The following TFEC variants were observed in gnomAD, a reference collection of about 807,000 sequenced individuals.
The protein encoded by TFEC is class E basic helix-loop-helix protein 34.
In TFEC, 31 loss-of-function variants were observed where a neutral mutation model predicts 41.6. The ratio of observed to expected loss-of-function variants is 0.74; its 90% CI spans 0.56 to 1.01. The LOEUF (loss-of-function observed/expected upper bound fraction) is 1.01. Among genes scored for constraint, TFEC ranks in the 50% least tolerant of loss-of-function variants. The pLI is 0.00. For missense variants in TFEC, 402 were observed against 404.1 expected, an observed-to-expected ratio of 0.99 and a Z score of 0.04; for synonymous variants, 143 against 140.6, an observed-to-expected ratio of 1.02 and a Z score of -0.12.
At chr7:116,026,523 A>G (rs1446519752) in intron 1 of TFEC, among the ~76,000 whole-genome samples, 2 of 152,134 alleles carry the variant, frequency 1.3e-5, no homozygotes, top group Non-Finnish European at 2.9e-5. Flanking sequence ...CATCTTAACT[A>G]ACCTTACATA....
chr7:116,037,558 T>C (rs1795939573), intron 3 of TFEC, among the ~76,000 whole-genome samples: 1 of 151,966 alleles, frequency 6.6e-6, no homozygotes, highest in Admixed American at 6.6e-5. Flanking sequence ...TATTACCAGT[T>C]TGAGAAATGC....
chr7:115,992,731 A>G (rs920817288), intron 1 of TFEC, among the ~76,000 whole-genome samples: 1 of 152,156 alleles, frequency 6.6e-6, no homozygotes, highest in African/African-American at 2.4e-5. Context: ...CAACCAAAAA[A>G]AGTCCAGGAC....
At chr7:116,044,940 G>A (rs1796128373) in intron 3 of TFEC, among the ~76,000 whole-genome samples, 1 of 152,222 alleles carries the variant, frequency 6.6e-6, no homozygotes, top group Non-Finnish European at 1.5e-5. Flanking sequence ...AAGGAATGAT[G>A]TGGGGAAACC....
intron 1 of TFEC, among the ~76,000 whole-genome samples, chr7:115,991,788 G>T (rs1345286947): frequency 6.6e-6 from 1 of 152,124 alleles, no homozygotes; most frequent in Non-Finnish European, 1.5e-5. Context: ...GTCAACATTA[G>T]ACAGATCAAC....
intron 3 of TFEC, among the ~76,000 whole-genome samples, chr7:115,971,145 T>G (rs1285228989): frequency 6.6e-6 from 1 of 152,028 alleles, no homozygotes; most frequent in East Asian, 1.9e-4. Flanking sequence ...GGGCAATTTG[T>G]TGTGGAGGGC....
intron 3 of TFEC, among the ~76,000 whole-genome samples, chr7:116,041,689 T>G (rs1562948066): frequency 6.6e-6 from 1 of 152,202 alleles, no homozygotes. Flanking sequence ...TCTACTTCAT[T>G]GTCTGATTTC....
intron 3 of TFEC, among the ~76,000 whole-genome samples, chr7:116,043,709 C>G (rs1304932027): frequency 6.6e-6 from 1 of 152,108 alleles, no homozygotes; most frequent in African/African-American, 2.4e-5. Context: ...GAAAATACAT[C>G]TGAGTATTGA....
intron 1 of TFEC, among the ~76,000 whole-genome samples, chr7:116,143,845 A>G (rs1412231904): frequency 4.6e-5 from 7 of 152,184 alleles, no homozygotes; most frequent in Non-Finnish European, 7.4e-5. Flanking sequence ...GAGACTAGAG[A>G]TGAAGGGCTC....
intron 1 of TFEC, among the ~76,000 whole-genome samples, chr7:116,010,890 A>C (rs1794976965): frequency 6.6e-6 from 1 of 152,158 alleles, no homozygotes; most frequent in African/African-American, 2.4e-5. Context: ...TTATGCATTC[A>C]ACCCTTTGAT....
chr7:116,097,025 G>A (rs1797478779), intron 3 of TFEC, among the ~76,000 whole-genome samples: 1 of 151,876 alleles, frequency 6.6e-6, no homozygotes, highest in Non-Finnish European at 1.5e-5. Context: ...GGGAGTCGGA[G>A]GTTGCAGTGA....
intron 3 of TFEC, among the ~76,000 whole-genome samples, chr7:116,069,000 ATTCT>A (rs1226815074): frequency 1.8e-4 from 28 of 151,838 alleles, no homozygotes; most frequent in Non-Finnish European, 4.4e-5. Flanking sequence ...GGCAAATATG[ATTCT>A]TTAAGATTTG....
chr7:116,084,093 C>G (rs1044485682), intron 3 of TFEC, among the ~76,000 whole-genome samples: 2 of 151,872 alleles, frequency 1.3e-5, no homozygotes, highest in Admixed American at 6.6e-5. Flanking sequence ...GTTCAGAGAG[C>G]TAATTGCACA....
chr7:116,138,350 A>G (rs1229215403), intron 1 of TFEC, among the ~76,000 whole-genome samples: 1 of 152,166 alleles, frequency 6.6e-6, no homozygotes, highest in Admixed American at 6.5e-5. Flanking sequence ...CTGTTTGGGT[A>G]TACAGTTTAA....
At chr7:115,947,254 A>AT (rs1217919839) in intron 6 of TFEC, among the ~76,000 whole-genome samples, 1 of 151,664 alleles carries the variant, frequency 6.6e-6, no homozygotes, top group East Asian at 2.0e-4. Context: ...TGAACTCATC[A>AT]TTTTTTATGG....
At chr7:116,090,521 A>G (rs888237282) in intron 3 of TFEC, among the ~76,000 whole-genome samples, 1 of 152,150 alleles carries the variant, frequency 6.6e-6, no homozygotes, top group South Asian at 2.1e-4. Flanking sequence ...CTCCACTGGT[A>G]ACAAGAGGAC....
intron 3 of TFEC, among the ~76,000 whole-genome samples, chr7:116,039,997 G>T (rs543464267): frequency 6.0e-4 from 91 of 152,132 alleles, no homozygotes; most frequent in Non-Finnish European, 1.0e-3. Context: ...GATATACTTT[G>T]CAATAATCTA....
chr7:116,023,554 C>T (rs934174919), intron 1 of TFEC, among the ~76,000 whole-genome samples: 1 of 152,070 alleles, frequency 6.6e-6, no homozygotes, highest in African/African-American at 2.4e-5. Flanking sequence ...TGAATTGAAC[C>T]TCTGGAAAGA....
intron 2 of TFEC, chr7:116,111,003 TATAAA>T (rs1242527457): frequency 2.9e-6 from 2 of 692,936 alleles, no homozygotes; most frequent in Admixed American, 4.1e-5. Flanking sequence ...GACTACATAC[TATAAA>T]ATAAATTTAG....
intron 3 of TFEC, among the ~76,000 whole-genome samples, chr7:116,090,726 A>C (rs1488247659): frequency 6.6e-6 from 1 of 152,180 alleles, no homozygotes; most frequent in Non-Finnish European, 1.5e-5. Context: ...AAAATTTTAC[A>C]ATCTAATAAG....
Sources: allele counts gnomAD v4.1 joint callset (sites outside exome capture counted in the v4.1 genomes callset), GRCh38; gene constraint gnomAD v4.1.1; transcripts MANE v1.5; gene names NCBI Gene and HGNC (gene_info 2026-07-23, HGNC 2026-07-21).